The following CERS6 variants were observed in gnomAD, a reference collection of about 807,000 sequenced individuals.
CERS6 encodes the protein LAG1 homolog, ceramide synthase 6.
A neutral mutation model predicts 56.8 loss-of-function variants in CERS6; 26 were observed. The observed-to-expected ratio is 0.46, with a 90% CI of 0.34 to 0.63. CERS6 has a LOEUF of 0.63. Ranked by LOEUF, CERS6 falls within the 30% of genes least tolerant of loss-of-function variation. CERS6 has a pLI of 0.01. For synonymous variants in CERS6, 164 were observed against 173.3 expected (o/e 0.95, Z 0.42); for missense variants, 415 against 467.5 (o/e 0.89, Z 1.04).
Position 168,622,415 on chromosome 2 carries a change from T to A in CERS6, c.408-8570T>A, listed in dbSNP as rs555762616. Reference sequence around the variant, plus strand: ...TTCTCTGTTCTTTACTCTTCAAAAGTAATGTCTATCCTGAATTTAATGTTT... The same window carrying A: ...TTCTCTGTTCTTTACTCTTCAAAAGAAATGTCTATCCTGAATTTAATGTTT... On this transcript the variant is annotated intron_variant, in intron 3 of 9. Coordinates refer to ENST00000305747, the MANE Select transcript of CERS6 (RefSeq NM_203463.3). 6.6e-4 allele frequency among the ~76,000 whole-genome samples: 101 copies of A among 152,236 alleles called. 4 individuals are homozygous for A. In the South Asian group the frequency reaches 0.021, roughly 31 times the overall value.
intron 1 of CERS6, among the ~76,000 whole-genome samples, chr2:168,473,235 A>G (rs150395446): frequency 6.6e-6 from 1 of 151,988 alleles, no homozygotes; most frequent in Non-Finnish European, 1.5e-5. Flanking sequence ...CCTGCCTACC[A>G]TGTATCTTTT....
intron 1 of CERS6, among the ~76,000 whole-genome samples, chr2:168,520,888 C>T (rs918424991): frequency 2.0e-5 from 3 of 151,944 alleles, no homozygotes; most frequent in Admixed American, 1.3e-4. Context: ...GGATTACAGA[C>T]GTGAGCCACC....
At chr2:168,711,563 G>A (rs527969607) in intron 6 of CERS6, among the ~76,000 whole-genome samples, 12 of 151,916 alleles carry the variant, frequency 7.9e-5, no homozygotes, top group South Asian at 2.1e-4. Flanking sequence ...GTGAAACCCC[G>A]TCTCAACCGA....
intron 3 of CERS6, among the ~76,000 whole-genome samples, chr2:168,589,687 C>T (rs1683628170): frequency 6.6e-6 from 1 of 151,904 alleles, no homozygotes; most frequent in Admixed American, 6.6e-5. Flanking sequence ...TGTTCTAATA[C>T]TACTTCTTCT....
At chr2:168,459,982 G>A (rs1208608224) in intron 1 of CERS6, among the ~76,000 whole-genome samples, 5 of 152,042 alleles carry the variant, frequency 3.3e-5, no homozygotes, top group African/African-American at 9.7e-5. Context: ...AGTATAGATC[G>A]GGAATCAGAA....
intron 1 of CERS6, among the ~76,000 whole-genome samples, chr2:168,490,390 G>A (rs1017431722): frequency 2.6e-5 from 4 of 152,104 alleles, no homozygotes; most frequent in African/African-American, 9.7e-5. Flanking sequence ...CTGCTGTATA[G>A]TGGGGCTCTG....
intron 1 of CERS6, among the ~76,000 whole-genome samples, chr2:168,533,145 T>G (rs1695197538): frequency 1.3e-5 from 2 of 152,254 alleles, no homozygotes; most frequent in African/African-American, 4.8e-5. Flanking sequence ...TTGTGTATCT[T>G]GCATTTTATA....
intron 1 of CERS6, among the ~76,000 whole-genome samples, chr2:168,477,482 G>T (rs1193219419): frequency 1.3e-5 from 2 of 152,088 alleles, no homozygotes; most frequent in Non-Finnish European, 2.9e-5. Flanking sequence ...TCTAGTAAAT[G>T]GTTGTGCAGA....
chr2:168,534,851 G>A (rs1574048733), intron 1 of CERS6, among the ~76,000 whole-genome samples: 1 of 152,188 alleles, frequency 6.6e-6, no homozygotes, highest in Non-Finnish European at 1.5e-5. Context: ...CTGCTGGTCC[G>A]CAGAGACTGC....
intron 8 of CERS6, among the ~76,000 whole-genome samples, chr2:168,748,382 A>AT (rs775710564): frequency 1.3e-5 from 2 of 152,188 alleles, no homozygotes; most frequent in Non-Finnish European, 2.9e-5. Flanking sequence ...TTAGTTAAAT[A>AT]ATTTTTTAAA....
chr2:168,660,661 A>G (rs901323779), intron 4 of CERS6, among the ~76,000 whole-genome samples: 1 of 152,214 alleles, frequency 6.6e-6, no homozygotes, highest in African/African-American at 2.4e-5. Flanking sequence ...GAGAAAAACA[A>G]TAGCAGTGCC....
intron 8 of CERS6, among the ~76,000 whole-genome samples, chr2:168,737,393 G>A (rs1407437665): frequency 6.6e-6 from 1 of 152,172 alleles, no homozygotes; most frequent in African/African-American, 2.4e-5. Context: ...ATTCTGCGGC[G>A]TCCTTTTGAA....
chr2:168,707,250 C>A (rs940159587), intron 6 of CERS6, among the ~76,000 whole-genome samples: 3 of 152,094 alleles, frequency 2.0e-5, no homozygotes, highest in Admixed American at 1.3e-4. Context: ...CCCTCAAGGA[C>A]CTAAATGTGT....
intron 1 of CERS6, among the ~76,000 whole-genome samples, chr2:168,514,278 C>T (rs772266843): frequency 6.6e-6 from 1 of 152,174 alleles, no homozygotes; most frequent in Non-Finnish European, 1.5e-5. Context: ...GAAAGATAGA[C>T]CTGCTCCCTC....
chr2:168,753,682 T>C (rs1684340079), intron 8 of CERS6, among the ~76,000 whole-genome samples: 2 of 152,196 alleles, frequency 1.3e-5, no homozygotes, highest in Admixed American at 6.5e-5. Flanking sequence ...ATTTTTCTCT[T>C]TTTAGCAGCA....
Position 168,698,830 on chromosome 2 carries a change from G to A in CERS6, c.609+3779G>A, listed in dbSNP as rs570870462. 1.6e-4 allele frequency among the ~76,000 whole-genome samples: 24 copies of A among 152,190 alleles called. No individual in the cohort carries two copies. In the South Asian group the frequency reaches 4.1e-3, roughly 26 times the overall value. ...GTAAAGTTTGTGGAATTGATCCTAG[G>A]CCTGTATATATTGTCAGTGTTTAGA... On this transcript the variant is annotated intron_variant, in intron 6 of 9. Coordinates refer to ENST00000305747, the MANE Select transcript of CERS6 (RefSeq NM_203463.3).
At chr2:168,645,181 A>AGAGAGAGAGAGAGTGAGT (rs1332171299) in intron 4 of CERS6, among the ~76,000 whole-genome samples, 1 of 120,670 alleles carries the variant, frequency 8.3e-6, no homozygotes, top group Non-Finnish European at 1.7e-5. Flanking sequence ...AGAGAGAGAG[A>AGAGAGAGAGAGAGTGAGT]GAGAGAGAGT....
intron 3 of CERS6, among the ~76,000 whole-genome samples, chr2:168,581,989 C>T (rs1353408839): frequency 6.6e-6 from 1 of 152,230 alleles, no homozygotes; most frequent in Non-Finnish European, 1.5e-5. Context: ...CCAGGCCCAC[C>T]TGGGCTAACT....
rs1191767191 is a variant in CERS6 at position 168,477,528 on chromosome 2, T to C, written c.170+20910T>C. ...TTTTATATAGCATATAAAATGCATA[T>C]ATTTATCATAATTTAACCACTCCCC... is the stretch of plus-strand genomic sequence containing the variant. On this transcript the variant is annotated intron_variant, in intron 1 of 9. Transcript: ENST00000305747. Among the ~76,000 whole-genome samples, 3 of 152,250 alleles carry C rather than the reference T, an allele frequency of 2.0e-5. No homozygotes were observed. The East Asian group carries it at 5.8e-4, about 29-fold the overall frequency.
Sources: allele counts gnomAD v4.1 joint callset (sites outside exome capture counted in the v4.1 genomes callset), GRCh38; gene constraint gnomAD v4.1.1; transcripts MANE v1.5; gene names NCBI Gene and HGNC (gene_info 2026-07-23, HGNC 2026-07-21).